Variants in ZDHHC11 observed in about 807,000 individuals in gnomAD.
ZDHHC11 encodes the protein palmitoyltransferase ZDHHC11.
A neutral mutation model predicts 51.3 loss-of-function variants in ZDHHC11; 44 were observed. The observed-to-expected ratio is 0.86, with a 90% CI of 0.67 to 1.10. The LOEUF is 1.10. ZDHHC11 is among the 50% of genes least tolerant of loss of function. ZDHHC11 has a pLI of 0.00. For missense variants in ZDHHC11, 400 were observed against 537.7 expected, an observed-to-expected ratio of 0.74 and a Z score of 2.53; for synonymous variants, 163 against 222.0, an observed-to-expected ratio of 0.73 and a Z score of 2.36.
At chr5:841,157 C>A in intron 4 of ZDHHC11, 1 of 1,033,316 alleles carries the variant, frequency 9.7e-7, no homozygotes, top group Non-Finnish European at 1.2e-6. Context: ...GGTCACAGTG[C>A]CCACCCCTTC....
intron 11 of ZDHHC11, among the ~76,000 whole-genome samples, chr5:805,864 G>A (rs1222577714): frequency 6.6e-6 from 1 of 151,216 alleles, no homozygotes; most frequent in African/African-American, 2.4e-5. Context: ...GAGATATGGA[G>A]GGTCCCAGGG....
chr5:847,922 G>C (rs1746514524), intron 2 of ZDHHC11: 1 of 530,418 alleles, frequency 1.9e-6, no homozygotes, highest in Admixed American at 3.2e-5. Context: ...CCCTGGAGGA[G>C]GCCGCGCCTG....
chr5:856,112 G>A (rs73730979), intron 1 of ZDHHC11, among the ~76,000 whole-genome samples: 5,703 of 152,070 alleles, frequency 0.038, 339 homozygotes, highest in African/African-American at 0.13. Context: ...CGATACCACC[G>A]TGGCCTGTAA....
chr5:808,963 C>T lies in ZDHHC11; in HGVS notation c.1181+5798G>A, dbSNP rs1471422321. 2.8e-5 allele frequency among the ~76,000 whole-genome samples: 4 copies of T among 145,164 alleles called. No individual in the cohort carries two copies. The East Asian group carries it at 8.1e-4, about 29-fold the overall frequency. ...TCTGCTGTCTCGGCCTCCCCACATG[C>T]TCCATCTTTTGACCATCAGTTACAC... On this transcript the variant is annotated intron_variant, in intron 11 of 12. Coordinates refer to ENST00000283441, the MANE Select transcript of ZDHHC11 (RefSeq NM_024786.3).
In ZDHHC11 at chr5:819,439, A is replaced by G; in HGVS notation, c.1146+86T>C. On this transcript the variant is annotated intron_variant, in intron 10 of 12. Coordinates refer to ENST00000283441, the MANE Select transcript of ZDHHC11 (RefSeq NM_024786.3). Reference sequence around the variant, plus strand: ...ACAGAGTGCTTCCCTTTTGAATACTACCTTAACCTCAGCTTGGGGGACCTC... The same window carrying G: ...ACAGAGTGCTTCCCTTTTGAATACTGCCTTAACCTCAGCTTGGGGGACCTC... The G allele has an allele frequency of 4.2e-6, 6 of 1,435,456 alleles. No homozygotes were observed. In the South Asian group the frequency reaches 5.8e-5, roughly 14 times the overall value. 88.9% of individuals were successfully genotyped at this position (1,435,456 alleles called of 1,614,324 possible). A position where few individuals can be genotyped will look rare whatever the true frequency, so the allele number is the denominator to read the frequency against.
chr5:825,165 C>T lies in ZDHHC11; in HGVS notation c.1022G>A (p.Arg341Gln), dbSNP rs1809008. The change falls in exon 8 of 13, where the codon CGG becomes CAG. Residue 341 changes from arginine (R) to glutamine (Q), a missense_variant and splice_region_variant. This residue lies in a region of ZDHHC11 where 231 missense variants were observed against 227.4 expected (regional missense o/e 1.02). Transcript: ENST00000283441. ...SVNQDGDSTA[R>Q]EGDEDPCPSA... ...GCATCGCTGGTGACTGCAACTTACC[C>T]GTGCCGTCGAATCCCCATCCTGGTT... The T allele has an allele frequency of 0.17, 251,033 of 1,505,376 alleles. 26,190 individuals carry two copies. The highest frequency in any genetic ancestry group is 0.56 in the African/African-American group (40,926 of 73,170). 93.3% of individuals were successfully genotyped at this position (1,505,376 alleles called of 1,614,324 possible).
chr5:823,718 G>C (rs1239649920), intron 8 of ZDHHC11: 1 of 203,542 alleles, frequency 4.9e-6, no homozygotes, highest in East Asian at 1.1e-4. Flanking sequence ...ATGCTGAGCG[G>C]ATCTTCTCTG....
chr5:799,738 T>C (rs575635009), intron 12 of ZDHHC11, among the ~76,000 whole-genome samples: 6 of 151,852 alleles, frequency 4.0e-5, no homozygotes, highest in Admixed American at 3.3e-4. Context: ...AAGTTGTAGC[T>C]TCTTAAGTTT....
At chr5:808,737 G>A (rs1433469512) in intron 11 of ZDHHC11, among the ~76,000 whole-genome samples, 3 of 138,994 alleles carry the variant, frequency 2.2e-5, no homozygotes, top group African/African-American at 8.0e-5. Context: ...TTGCTCTGTC[G>A]CCCAGGCTGG....
At chr5:840,412 G>C (rs1744613136) in intron 5 of ZDHHC11, 83 bp downstream of exon 5, 2 of 1,598,426 alleles carry the variant, frequency 1.3e-6, no homozygotes, top group Non-Finnish European at 1.7e-6. Context: ...CAGGGTTAGG[G>C]ACATACTCAA....
Position 850,626 on chromosome 5 carries a change from C to G in ZDHHC11, c.-24G>C. Reference sequence around the variant, plus strand: ...ATCTGCAGGACACAGAAGGGGAGGACCTGCGCCGTCAGATCCTGGGAGGGC... The same window carrying G: ...ATCTGCAGGACACAGAAGGGGAGGAGCTGCGCCGTCAGATCCTGGGAGGGC... On this transcript the variant is annotated 5_prime_UTR_variant, in exon 1 of 13. Transcript: ENST00000283441. 1 of 1,609,240 alleles carries G rather than the reference C, an allele frequency of 6.2e-7. No individual in the cohort carries two copies. Among genetic ancestry groups the G allele is most frequent in the Non-Finnish European group, 8.5e-7 (1 of 1,177,936 alleles).
At chr5:844,847 G>T (rs866577471) in intron 3 of ZDHHC11, among the ~76,000 whole-genome samples, 3 of 152,308 alleles carry the variant, frequency 2.0e-5, no homozygotes, top group South Asian at 4.1e-4. Flanking sequence ...CTCAAAAGAT[G>T]CAGAGAATAA....
chr5:827,686 A>G (rs1242268309), intron 7 of ZDHHC11, among the ~76,000 whole-genome samples: 1 of 151,204 alleles, frequency 6.6e-6, no homozygotes, highest in Non-Finnish European at 1.5e-5. Context: ...AAATATCACT[A>G]TCCTAACTAT....
At chr5:802,103 G>A (rs567256851) in intron 11 of ZDHHC11, among the ~76,000 whole-genome samples, 209 of 151,370 alleles carry the variant, frequency 1.4e-3, no homozygotes, top group African/African-American at 4.7e-3. Flanking sequence ...CCACAGAGGA[G>A]CAGTGGATGC....
intron 12 of ZDHHC11, 108 bp downstream of exon 12, chr5:800,992 G>A: frequency 7.6e-7 from 1 of 1,315,852 alleles, no homozygotes; most frequent in Non-Finnish European, 1.1e-6. Context: ...ACGACAAGCA[G>A]CCCAGCCCTT....
At chr5:845,280 C>A (rs1192296017) in intron 3 of ZDHHC11, among the ~76,000 whole-genome samples, 49 of 152,394 alleles carry the variant, frequency 3.2e-4, no homozygotes, top group African/African-American at 1.1e-3. Context: ...TCCTCCTGGG[C>A]TTGAGCCCAC....
At chr5:843,870 G>C (rs1240645496) in intron 3 of ZDHHC11, 146 bp from the exon 4 acceptor site, 1 of 652,524 alleles carries the variant, frequency 1.5e-6, no homozygotes, top group Non-Finnish European at 2.0e-6. Context: ...GGGCATGCGG[G>C]GCATGTGGGA....
chr5:851,022 A>G (rs1397050341), upstream of ZDHHC11: 2 of 229,846 alleles, frequency 8.7e-6, no homozygotes, highest in East Asian at 1.0e-4. Flanking sequence ...CCCAGGTGCA[A>G]GAAGAAAACC....
At chr5:844,120 C>G (rs1337289301) in intron 3 of ZDHHC11, among the ~76,000 whole-genome samples, 23 of 152,046 alleles carry the variant, frequency 1.5e-4, no homozygotes, top group African/African-American at 5.3e-4. Context: ...GGGCGCCTGG[C>G]CACCGCCCAA....
Sources: allele counts gnomAD v4.1 joint callset (sites outside exome capture counted in the v4.1 genomes callset), GRCh38; gene constraint gnomAD v4.1.1; regional missense constraint gnomAD v4.1.1; transcripts MANE v1.5; gene names NCBI Gene and HGNC (gene_info 2026-07-23, HGNC 2026-07-21).